The following PREX2 variants were observed in gnomAD, a reference collection of about 807,000 sequenced individuals.
The protein encoded by PREX2 is phosphatidylinositol-3,4,5-trisphosphate dependent Rac exchange factor 2, also known as phosphatidylinositol 3,4,5-trisphosphate-dependent Rac exchanger 2 protein.
PREX2 carries 107 observed loss-of-function variants against 203.2 expected under a neutral mutation model. That is an observed-to-expected ratio of 0.53 (90% CI 0.45 to 0.62). The LOEUF is 0.62. PREX2 is among the 20% of genes least tolerant of loss of function. The pLI, the probability that PREX2 is intolerant of heterozygous loss-of-function variation, is 0.00. For synonymous variants in PREX2, 672 were observed against 663.6 expected (o/e 1.01, Z -0.19); for missense variants, 1,777 against 1,955.9 (o/e 0.91, Z 1.72).
chr8:68,105,212 T>C (rs998815657), intron 23 of PREX2: 17 of 1,367,784 alleles, frequency 1.2e-5, no homozygotes, highest in Non-Finnish European at 1.6e-5. Context: ...ATCTTCACAG[T>C]GTAAGCAGCA....
In PREX2 at chr8:68,053,167, G is replaced by A. The variant is rs746754337; in HGVS notation, c.1014G>A (p.Trp338Ter). Reference sequence around the variant, plus strand: ...TACATAACACAGCAAAAAATAAATGGTTTGTTTGTATGGCAAAAACACCTG... The same window carrying A: ...TACATAACACAGCAAAAAATAAATGATTTGTTTGTATGGCAAAAACACCTG... Reference protein sequence around the residue: ...WKIHNTAKNKWFVCMAKTPEE... With the variant: ...WKIHNTAKNK The change falls in exon 9 of 40, where the codon TGG (tryptophan) becomes TGA (stop). Residue 338 changes from tryptophan (W) to a stop codon, truncating the protein, a stop_gained. Coordinates refer to ENST00000288368, the MANE Select transcript of PREX2 (RefSeq NM_024870.4). LOFTEE classifies it high-confidence loss of function. 1 of 1,613,634 alleles carries A rather than the reference G, an allele frequency of 6.2e-7. No individual in the cohort carries two copies. The highest frequency in any genetic ancestry group is 8.5e-7 in the Non-Finnish European group (1 of 1,179,714).
chr8:68,209,071 A>C (rs1442134148), intron 37 of PREX2, among the ~76,000 whole-genome samples: 36 of 110,510 alleles, frequency 3.3e-4, no homozygotes, highest in African/African-American at 1.3e-3. Flanking sequence ...GGACTCATTT[A>C]AAAAAAAAAA....
At chr8:68,059,528 C>T (rs1342842579) in intron 10 of PREX2, among the ~76,000 whole-genome samples, 1 of 152,196 alleles carries the variant, frequency 6.6e-6, no homozygotes. Context: ...AGTAATTTAA[C>T]ATTTTCAAAA....
chr8:68,108,471 A>G (rs905357269), intron 24 of PREX2, 140 bp downstream of exon 24: 3 of 637,592 alleles, frequency 4.7e-6, no homozygotes, highest in African/African-American at 3.7e-5. Context: ...TCTTGCTGTA[A>G]TCATTTGGAT....
In PREX2 at chr8:68,086,935, T is replaced by A. The variant is rs932769337; in HGVS notation, c.2028-789T>A. ...GCTCTTTGTTGTTCTTTGATAAAGC[T>A]CCCAATAGGTAGAAATGTATTAACT... On this transcript the variant is annotated intron_variant, in intron 18 of 39. Coordinates refer to ENST00000288368, the MANE Select transcript of PREX2 (RefSeq NM_024870.4). Among the ~76,000 whole-genome samples the A allele has an allele frequency of 5.3e-5, 8 of 152,198 alleles. 1 individual carries two copies. Among genetic ancestry groups the A allele is most frequent in the Admixed American group, 3.9e-4 (6 of 15,278 alleles).
At chr8:68,000,198 G>A (rs10957408) in intron 1 of PREX2, among the ~76,000 whole-genome samples, 104,894 of 152,104 alleles carry the variant, frequency 0.69, 36,442 homozygotes, top group South Asian at 0.81. Flanking sequence ...CTATAAAAGC[G>A]TATCGTCTTA....
intron 35 of PREX2, among the ~76,000 whole-genome samples, chr8:68,183,188 T>A (rs1812119022): frequency 6.6e-6 from 1 of 152,062 alleles, no homozygotes; most frequent in African/African-American, 2.4e-5. Flanking sequence ...ACAAAGGTAT[T>A]TTTAGAGATA....
intron 19 of PREX2, among the ~76,000 whole-genome samples, chr8:68,088,392 C>G (rs559226822): frequency 6.6e-6 from 1 of 152,278 alleles, no homozygotes; most frequent in East Asian, 1.9e-4. Flanking sequence ...AAATAACTGT[C>G]AGATCCCACA....
chr8:68,151,238 T>C (rs1413798979), intron 34 of PREX2, among the ~76,000 whole-genome samples: 1 of 151,664 alleles, frequency 6.6e-6, no homozygotes, highest in African/African-American at 2.4e-5. Context: ...CTGGGCAACA[T>C]AGTGAGACCT....
chr8:68,178,732 A>G (rs542312472), intron 35 of PREX2, among the ~76,000 whole-genome samples: 2 of 152,268 alleles, frequency 1.3e-5, no homozygotes, highest in Admixed American at 1.3e-4. Context: ...TTTACAGGGA[A>G]AAGTTGACAT....
intron 24 of PREX2, chr8:68,109,058 G>T: frequency 4.5e-6 from 2 of 444,180 alleles, no homozygotes; most frequent in Admixed American, 2.6e-5. Flanking sequence ...GTTGGGTGGG[G>T]GATTGAGAAG....
chr8:68,106,447 A>G (rs911441693), intron 23 of PREX2: 1 of 432,614 alleles, frequency 2.3e-6, no homozygotes, highest in African/African-American at 2.1e-5. Flanking sequence ...TTATTATTAA[A>G]TTTGCTCATC....
In PREX2 at chr8:68,047,492, TATATATATATATATACAC is replaced by T. The variant is rs879560357; in HGVS notation, c.943+2906_943+2923del. ...ATTTATATATATATATATATATATA[TATATATATATATATACAC>T]ATACATATATATATATGTATTTTTT... On this transcript the variant is annotated intron_variant, in intron 8 of 39. Coordinates refer to ENST00000288368, the MANE Select transcript of PREX2 (RefSeq NM_024870.4). Among the ~76,000 whole-genome samples, 714 of 86,422 alleles carry T rather than the reference TATATATATATATATACAC, an allele frequency of 8.3e-3. 7 individuals carry two copies. Among genetic ancestry groups the T allele is most frequent in the South Asian group, 0.018 (58 of 3,184 alleles). 56.7% of individuals were successfully genotyped at this position (86,422 alleles called of 152,430 possible).
rs765623024 is a variant in PREX2, at chr8:68,083,335, G to A, written c.1974G>A (p.Ser658=). Residue 658 remains serine, a synonymous_variant, in exon 18 of 40, where the codon TCG becomes TCA. Transcript: ENST00000288368. ...ATGAAGTGGATTGCTTCCTGAAATC[G>A]TGTTTAAACAGCAGAAAACCTCTAA... is the stretch of plus-strand genomic sequence containing the variant. The part of the protein sequence containing the change: ...PFNEVDCFLK[S]CLNSRKPLRV... The A allele has an allele frequency of 1.1e-5, 17 of 1,611,718 alleles. No homozygotes were observed. The highest frequency in any genetic ancestry group is 1.3e-5 in the African/African-American group (1 of 75,012).
chr8:68,193,519 G>A (rs1008386281), intron 37 of PREX2, among the ~76,000 whole-genome samples: 2 of 152,252 alleles, frequency 1.3e-5, no homozygotes, highest in Non-Finnish European at 2.9e-5. Context: ...AGTCAGTGCT[G>A]TTGGCTGTGT....
rs1813174228 is a variant in PREX2, at chr8:68,231,704, C to T, written c.*326C>T. On this transcript the variant is annotated 3_prime_UTR_variant, in exon 40 of 40. Coordinates refer to ENST00000288368, the MANE Select transcript of PREX2 (RefSeq NM_024870.4). ...GAGATTTAAAAATTAACCACCATGC[C>T]TCCTCTCCCATTCATTAAAATGGTT... The T allele has an allele frequency of 1.3e-5, 3 of 234,668 alleles. No homozygotes were observed. Among genetic ancestry groups the T allele is most frequent in the African/African-American group, 2.2e-5 (1 of 44,854 alleles). 14.5% of individuals were successfully genotyped at this position (234,668 alleles called of 1,614,324 possible).
In PREX2 at chr8:67,952,245, C is replaced by A; in HGVS notation, c.-150C>A. ...ATCCCCTCCTCTCCCTGCGCCCAGC[C>A]TCTCCCCAGCATGTAAAGTCTTCTG... On this transcript the variant is annotated 5_prime_UTR_variant, in exon 1 of 40. Transcript: ENST00000288368. The A allele has an allele frequency of 1.7e-6, 1 of 597,014 alleles. No individual in the cohort carries two copies. Among genetic ancestry groups the A allele is most frequent in the African/African-American group, 2.0e-5 (1 of 51,096 alleles). The allele number at this position is 597,014 out of a possible 1,614,324, so 37.0% of individuals were successfully genotyped here.
At chr8:67,954,802 T>C (rs1277655821) in intron 1 of PREX2, among the ~76,000 whole-genome samples, 3 of 152,194 alleles carry the variant, frequency 2.0e-5, no homozygotes, top group Non-Finnish European at 4.4e-5. Context: ...AACATATTTT[T>C]AGTTCTACTA....
At chr8:68,102,845 G>A in intron 23 of PREX2, 2 of 518,510 alleles carry the variant, frequency 3.9e-6, no homozygotes, top group Non-Finnish European at 3.9e-6. Flanking sequence ...TGGCACATGT[G>A]TGAAACCTGG....
Sources: gnomAD v4.1 joint callset for allele counts (sites outside exome capture counted in the v4.1 genomes callset) on GRCh38, gnomAD v4.1.1 for gene constraint, MANE v1.5 for transcripts, NCBI Gene and HGNC (gene_info 2026-07-23, HGNC 2026-07-21) for gene names.